ADK: variants seen among roughly 807,000 people sequenced by gnomAD.
ADK encodes adenosine kinase, also known as N6,N6-dimethyladenosine kinase.
In ADK, 24 loss-of-function variants were observed where a neutral mutation model predicts 44.7. The observed-to-expected ratio is 0.54, with a 90% CI of 0.39 to 0.76. The LOEUF (loss-of-function observed/expected upper bound fraction) is 0.76. Ranked by LOEUF, ADK falls within the 30% of genes least tolerant of loss-of-function variation. The pLI is 0.00. For synonymous variants in ADK, 128 were observed against 142.6 expected, an observed-to-expected ratio of 0.90 and a Z score of 0.73; for missense variants, 321 against 425.1, an observed-to-expected ratio of 0.76 and a Z score of 2.15.
chr10:74,527,360 AAAAC>A (rs904444190), intron 7 of ADK, among the ~76,000 whole-genome samples: 18 of 111,102 alleles, frequency 1.6e-4, no homozygotes, highest in Non-Finnish European at 2.3e-4. Context: ...TCCGTCTCAA[AAAAC>A]AAACAAACAA....
At chr10:74,391,072 A>G (rs1292773346) in intron 4 of ADK, among the ~76,000 whole-genome samples, 1 of 152,204 alleles carries the variant, frequency 6.6e-6, no homozygotes, top group Non-Finnish European at 1.5e-5. Flanking sequence ...CGCACAAAAT[A>G]GTTTCACCAA....
At chr10:74,215,101 G>A (rs1391738102) in intron 2 of ADK, among the ~76,000 whole-genome samples, 1 of 152,042 alleles carries the variant, frequency 6.6e-6, no homozygotes, top group Non-Finnish European at 1.5e-5. Context: ...TCTATTCTTT[G>A]GAGTGTATGT....
intron 10 of ADK, among the ~76,000 whole-genome samples, chr10:74,692,905 A>G (rs1466215890): frequency 6.6e-6 from 1 of 152,156 alleles, no homozygotes; most frequent in African/African-American, 2.4e-5. Flanking sequence ...CCCCGTTGTT[A>G]AGCAACTCAA....
At chr10:74,628,718 C>G (rs536160675) in intron 9 of ADK, among the ~76,000 whole-genome samples, 1 of 152,134 alleles carries the variant, frequency 6.6e-6, no homozygotes, top group African/African-American at 2.4e-5. Context: ...AAAGCTCTCT[C>G]TTAGATAGCC....
intron 4 of ADK, among the ~76,000 whole-genome samples, chr10:74,333,324 A>G (rs1338358814): frequency 6.6e-6 from 1 of 152,206 alleles, no homozygotes; most frequent in African/African-American, 2.4e-5. Context: ...AGGAGGGGGT[A>G]TGTTGTACTT....
intron 6 of ADK, among the ~76,000 whole-genome samples, chr10:74,401,940 G>C (rs1218946602): frequency 2.0e-5 from 3 of 152,168 alleles, no homozygotes; most frequent in African/African-American, 7.2e-5. Context: ...GCCTGGTGGT[G>C]ACAAAATCTC....
At chr10:74,193,762 C>A (rs756707217) in intron 1 of ADK, among the ~76,000 whole-genome samples, 5 of 152,072 alleles carry the variant, frequency 3.3e-5, no homozygotes, top group Non-Finnish European at 7.4e-5. Context: ...GAACAGGAGC[C>A]TGTCTCAAAA....
At chr10:74,231,023 A>G (rs1844741699) in intron 3 of ADK, among the ~76,000 whole-genome samples, 1 of 152,148 alleles carries the variant, frequency 6.6e-6, no homozygotes, top group Non-Finnish European at 1.5e-5. Context: ...ATCCATTGCA[A>G]GACTTGGTAA....
At position 74,224,570 on chromosome 10, in the gene ADK, C is replaced by A; in HGVS notation, c.173C>A (p.Ala58Asp). The A allele has an allele frequency of 3.7e-6, 6 of 1,613,698 alleles. No homozygotes were observed. The highest frequency in any genetic ancestry group is 5.1e-6 in the Non-Finnish European group (6 of 1,179,782). ...CTGAAACCAAATGACCAAATCTTGG[C>A]TGAAGACAAACACAAGGAACTGTAA... ...YSLKPNDQIL[A>D]EDKHKELFDE... Residue 58 changes from alanine to aspartate, a missense_variant, in exon 3 of 11, where the codon GCT becomes GAT. Coordinates refer to ENST00000539909, the MANE Select transcript of ADK (RefSeq NM_006721.4).
chr10:74,562,159 A>G (rs1340398391), intron 7 of ADK, among the ~76,000 whole-genome samples: 1 of 152,230 alleles, frequency 6.6e-6, no homozygotes, highest in Non-Finnish European at 1.5e-5. Context: ...GGAAACACCA[A>G]CATTACTGTG....
rs145427079 is a variant in ADK at position 74,174,233 on chromosome 10, C to G, written c.65+22890C>G. Among the ~76,000 whole-genome samples the G allele has an allele frequency of 9.9e-4, 137 of 138,990 alleles. No individual in the cohort carries two copies. In the East Asian group the frequency reaches 0.028, roughly 29 times the overall value. 91.2% of individuals were successfully genotyped at this position (138,990 alleles called of 152,430 possible). A position where few individuals can be genotyped will look rare whatever the true frequency, so the allele number is the denominator to read the frequency against. ...TGAGGTGGGAGAATTGCTTGAACCC[C>G]GGGGATGGGGGCGGAGGTTGCAGTG... On this transcript the variant is annotated intron_variant, in intron 1 of 10. Coordinates refer to ENST00000539909, the MANE Select transcript of ADK (RefSeq NM_006721.4).
chr10:74,154,728 C>T (rs1841702835), intron 1 of ADK, among the ~76,000 whole-genome samples: 1 of 152,214 alleles, frequency 6.6e-6, no homozygotes, highest in Non-Finnish European at 1.5e-5. Context: ...ACCTCCTTTA[C>T]TCCAAAGTTT....
At chr10:74,200,918 A>G in intron 2 of ADK, 80 bp downstream of exon 2, 2 of 961,612 alleles carry the variant, frequency 2.1e-6, no homozygotes, top group Non-Finnish European at 3.3e-6. Flanking sequence ...AAGTGAATTT[A>G]CCACCGAATG....
At chr10:74,161,031 C>T (rs1050934781) in intron 1 of ADK, among the ~76,000 whole-genome samples, 26 of 152,130 alleles carry the variant, frequency 1.7e-4, no homozygotes, top group Non-Finnish European at 2.9e-5. Flanking sequence ...ATGGTTTCTC[C>T]TTTGACTGTT....
At chr10:74,571,511 T>C (rs1850962072) in intron 7 of ADK, among the ~76,000 whole-genome samples, 2 of 152,240 alleles carry the variant, frequency 1.3e-5, no homozygotes, top group African/African-American at 4.8e-5. Context: ...CCTGGTTTAG[T>C]CTTGGGAGGG....
intron 6 of ADK, among the ~76,000 whole-genome samples, chr10:74,438,018 A>G (rs757844638): frequency 1.3e-5 from 2 of 152,148 alleles, no homozygotes; most frequent in African/African-American, 4.8e-5. Context: ...CTCAAATGCC[A>G]TCCTCTTAGA....
At chr10:74,564,715 A>AT (rs1850588347) in intron 7 of ADK, among the ~76,000 whole-genome samples, 1 of 152,166 alleles carries the variant, frequency 6.6e-6, no homozygotes, top group South Asian at 2.1e-4. Context: ...AGTTACTTTA[A>AT]TCTTATTTTT....
intron 3 of ADK, among the ~76,000 whole-genome samples, chr10:74,289,178 A>G (rs1018931153): frequency 6.6e-6 from 1 of 152,206 alleles, no homozygotes; most frequent in African/African-American, 2.4e-5. Context: ...AAGTCTGTCT[A>G]TAGCTTCTTC....
At chr10:74,558,579 C>A (rs1320661851) in intron 7 of ADK, among the ~76,000 whole-genome samples, 1 of 152,216 alleles carries the variant, frequency 6.6e-6, no homozygotes, top group Non-Finnish European at 1.5e-5. Context: ...TCACCTTCAG[C>A]CATGATTATA....
Sources: allele counts gnomAD v4.1 joint callset (sites outside exome capture counted in the v4.1 genomes callset), GRCh38; gene constraint gnomAD v4.1.1; transcripts MANE v1.5; gene names NCBI Gene and HGNC (gene_info 2026-07-23, HGNC 2026-07-21).